The following PPP2CA variants were observed in gnomAD, a reference collection of about 807,000 sequenced individuals.
The protein encoded by PPP2CA is protein phosphatase 2 catalytic subunit alpha.
In PPP2CA, 5 loss-of-function variants were observed where a neutral mutation model predicts 38.8. The ratio of observed to expected loss-of-function variants is 0.13; its 90% CI spans 0.07 to 0.27. The LOEUF is 0.27. Among genes scored for constraint, PPP2CA ranks in the 10% least tolerant of loss-of-function variants. PPP2CA has a pLI of 1.00. For missense variants in PPP2CA, 88 were observed against 389.7 expected (o/e 0.23, Z 6.52); for synonymous variants, 152 against 134.0 (o/e 1.13, Z -0.93).
intron 4 of PPP2CA, 144 bp downstream of exon 4, chr5:134,200,841 T>G: frequency 1.4e-6 from 1 of 711,436 alleles, no homozygotes. Flanking sequence ...TCAGCTTCTT[T>G]TGAACAACAG....
At chr5:134,202,387 CT>C (rs1309052109) in intron 2 of PPP2CA, 1 of 166,550 alleles carries the variant, frequency 6.0e-6, no homozygotes, top group Non-Finnish European at 1.3e-5. Context: ...AAGATCCCTC[CT>C]GCAGTCACTC....
At chr5:134,225,228 C>G (rs571112697) in intron 1 of PPP2CA, among the ~76,000 whole-genome samples, 1 of 152,180 alleles carries the variant, frequency 6.6e-6, no homozygotes, top group African/African-American at 2.4e-5. Flanking sequence ...TGGAGAAGAT[C>G]GCTTGGTGAG....
intron 1 of PPP2CA, among the ~76,000 whole-genome samples, chr5:134,221,264 A>G (rs2149388754): frequency 2.0e-5 from 3 of 152,242 alleles, no homozygotes; most frequent in Middle Eastern, 6.8e-3. Context: ...GGTGTGTGCC[A>G]CCACGCCCGG....
At chr5:134,211,501 A>T (rs867936121) in intron 1 of PPP2CA, among the ~76,000 whole-genome samples, 1 of 147,188 alleles carries the variant, frequency 6.8e-6, no homozygotes, top group Non-Finnish European at 1.5e-5. Flanking sequence ...TTTGAGACAG[A>T]GTTTCGCTCT....
At chr5:134,210,010 C>G (rs1404821936) in intron 1 of PPP2CA, among the ~76,000 whole-genome samples, 2 of 151,632 alleles carry the variant, frequency 1.3e-5, no homozygotes, top group African/African-American at 4.8e-5. Flanking sequence ...CCCAGAAGTT[C>G]AAGGATGCAG....
intron 1 of PPP2CA, among the ~76,000 whole-genome samples, chr5:134,220,590 G>A (rs926681506): frequency 6.6e-6 from 1 of 151,312 alleles, no homozygotes; most frequent in African/African-American, 2.4e-5. Flanking sequence ...TGAAGTAAGA[G>A]AAATGGGTCA....
intron 3 of PPP2CA, 34 bp from the exon 4 acceptor site, chr5:134,201,108 T>TA (rs772092988): frequency 2.0e-6 from 3 of 1,523,386 alleles, no homozygotes; most frequent in Non-Finnish European, 2.7e-6. Flanking sequence ...TAACCTCACC[T>TA]AAAAAATTTG....
chr5:134,225,457 G>T, intron 1 of PPP2CA: 1 of 305,202 alleles, frequency 3.3e-6, no homozygotes, highest in South Asian at 4.3e-5. Context: ...AACCGTCCCT[G>T]ACGATGACCC....
At chr5:134,225,736 G>A in intron 1 of PPP2CA, 24 bp downstream of exon 1, 1 of 1,591,154 alleles carries the variant, frequency 6.3e-7, no homozygotes, top group Non-Finnish European at 8.5e-7. Context: ...CGCGGCGGCT[G>A]TCCGCAGCCG....
intron 5 of PPP2CA, chr5:134,199,406 CT>C (rs1469932932): frequency 1.0e-5 from 4 of 382,860 alleles, no homozygotes; most frequent in South Asian, 1.1e-4. Context: ...TATTTTCCCC[CT>C]AATTACAAAA....
chr5:134,218,929 A>C (rs575807445), intron 1 of PPP2CA, among the ~76,000 whole-genome samples: 27 of 152,160 alleles, frequency 1.8e-4, no homozygotes, highest in Non-Finnish European at 3.5e-4. Context: ...TCAGCCTCCC[A>C]AAGTGCTGGG....
chr5:134,225,703 C>T (rs935656203), intron 1 of PPP2CA, 57 bp downstream of exon 1: 7 of 1,546,562 alleles, frequency 4.5e-6, no homozygotes, highest in Non-Finnish European at 6.1e-6. Flanking sequence ...TCACGGCCGC[C>T]TTTTCCTCGG....
chr5:134,210,444 C>T (rs2267934), intron 1 of PPP2CA, among the ~76,000 whole-genome samples: 117,677 of 152,144 alleles, frequency 0.77, 45,963 homozygotes, highest in Non-Finnish European at 0.82. Flanking sequence ...AAGCAAAACA[C>T]GCATACCAAA....
chr5:134,212,943 C>T (rs547217023), intron 1 of PPP2CA, among the ~76,000 whole-genome samples: 12 of 152,290 alleles, frequency 7.9e-5, no homozygotes, highest in Non-Finnish European at 1.5e-4. Flanking sequence ...AAGCTTAAAG[C>T]TAGCAGACTG....
rs1303604109 is a variant in PPP2CA at position 134,196,447 on chromosome 5, A to G, written c.*1325T>C. On this transcript the variant is annotated 3_prime_UTR_variant, in exon 7 of 7. Coordinates refer to ENST00000481195, the MANE Select transcript of PPP2CA (RefSeq NM_002715.4). ...GTTGAACACTGCCACTTTAAGTACC[A>G]TTTTTGTCTTCGGGTGAATGTACAT... is the stretch of plus-strand genomic sequence containing the variant. 1 of 152,188 alleles carries G rather than the reference A, an allele frequency of 6.6e-6. No individual in the cohort carries two copies. Among genetic ancestry groups the G allele is most frequent in the Non-Finnish European group, 1.5e-5 (1 of 68,028 alleles). 9.4% of individuals were successfully genotyped at this position (152,188 alleles called of 1,614,324 possible). A position where few individuals can be genotyped will look rare whatever the true frequency, so the allele number is the denominator to read the frequency against.
intron 1 of PPP2CA, among the ~76,000 whole-genome samples, chr5:134,211,149 G>A (rs528520447): frequency 1.9e-4 from 29 of 151,546 alleles, no homozygotes; most frequent in African/African-American, 5.6e-4. Flanking sequence ...GCTGCAGTGC[G>A]GCACCATCAC....
intron 1 of PPP2CA, among the ~76,000 whole-genome samples, chr5:134,225,017 C>T (rs1580655045): frequency 6.6e-6 from 1 of 152,302 alleles, no homozygotes; most frequent in African/African-American, 2.4e-5. Context: ...GGCTTTGAGT[C>T]AGCATATAAA....
intron 6 of PPP2CA, 48 bp downstream of exon 6, chr5:134,199,037 AC>A (rs1415958649): frequency 7.0e-7 from 1 of 1,430,966 alleles, no homozygotes; most frequent in East Asian, 2.3e-5. Context: ...ATAAACCAAA[AC>A]CCTACATATT....
In PPP2CA at chr5:134,196,626, T is replaced by C. The variant is rs1023598438; in HGVS notation, c.*1146A>G. On this transcript the variant is annotated 3_prime_UTR_variant, in exon 7 of 7. Transcript: ENST00000481195. ...CAACAATGTACAAAGATTTAAGAAT[T>C]TGCCAATCTGTCAATCATTTTAAAG... The C allele has an allele frequency of 5.3e-5, 8 of 152,218 alleles. No homozygotes were observed. The highest frequency in any genetic ancestry group is 1.7e-4 in the African/African-American group (7 of 41,456). The allele number at this position is 152,218 out of a possible 1,614,324, so 9.4% of individuals were successfully genotyped here.
Sources: gnomAD v4.1 joint callset for allele counts (sites outside exome capture counted in the v4.1 genomes callset) on GRCh38, gnomAD v4.1.1 for gene constraint, MANE v1.5 for transcripts, NCBI Gene and HGNC (gene_info 2026-07-23, HGNC 2026-07-21) for gene names.